KIF21A: variants seen among roughly 807,000 people sequenced by gnomAD.
The protein encoded by KIF21A is kinesin family member 21A.
In KIF21A, 114 loss-of-function variants were observed where a neutral mutation model predicts 202.9. That is an observed-to-expected ratio of 0.56 (90% CI 0.48 to 0.66). The LOEUF is 0.66. Ranked by LOEUF, KIF21A falls within the 30% of genes least tolerant of loss-of-function variation. KIF21A has a pLI of 0.00. For missense variants in KIF21A, 1,677 were observed against 1,994.9 expected, an observed-to-expected ratio of 0.84 and a Z score of 3.04; for synonymous variants, 667 against 670.8, an observed-to-expected ratio of 0.99 and a Z score of 0.09.
chr12:39,318,390 T>C (rs1944818222), intron 28 of KIF21A, among the ~76,000 whole-genome samples, 189 bp from the exon 29 acceptor site: 1 of 152,206 alleles, frequency 6.6e-6, no homozygotes, highest in Non-Finnish European at 1.5e-5. Flanking sequence ...TTTGTTACAT[T>C]GGCCACAAGA....
chr12:39,381,000 T>C (rs1592444542), intron 1 of KIF21A, among the ~76,000 whole-genome samples: 1 of 152,118 alleles, frequency 6.6e-6, no homozygotes, highest in African/African-American at 2.4e-5. Context: ...CATAATAGTA[T>C]ATGTTTTATT....
At chr12:39,399,060 C>CA (rs887027553) in intron 1 of KIF21A, among the ~76,000 whole-genome samples, 13 of 151,872 alleles carry the variant, frequency 8.6e-5, no homozygotes, top group African/African-American at 2.9e-4. Context: ...CCCATCTCTA[C>CA]AAAAAAATAC....
intron 1 of KIF21A, among the ~76,000 whole-genome samples, chr12:39,384,757 C>T (rs1486345482): frequency 6.6e-6 from 1 of 152,112 alleles, no homozygotes; most frequent in African/African-American, 2.4e-5. Context: ...AAAGTCTTAC[C>T]AGGCTAAAAT....
chr12:39,312,114 A>G (rs1592076299), intron 31 of KIF21A: 1 of 153,754 alleles, frequency 6.5e-6, no homozygotes, highest in African/African-American at 2.4e-5. Flanking sequence ...AGAAAATTTT[A>G]AAAGAATGAG....
In KIF21A at chr12:39,303,018, A is replaced by C. The variant is rs1478111510; in HGVS notation, c.4678T>G (p.Ser1560Ala). ...CATTTCTTGATTCCATTATCTCTAG[A>C]CCCACTAAATAGGTTATCCCCTTGA... ...TIQGDNLFSG[S>A]RDNGIKKWDL... is the part of the protein sequence containing the mutation. The change falls in exon 36 of 38, where the codon TCT (serine) becomes GCT (alanine). Residue 1560 changes from serine to alanine, a missense_variant. Transcript: ENST00000361418. 1 of 1,613,866 alleles carries C rather than the reference A, an allele frequency of 6.2e-7. No individual in the cohort carries two copies. Among genetic ancestry groups the C allele is most frequent in the Non-Finnish European group, 8.5e-7 (1 of 1,179,908 alleles).
chr12:39,392,990 A>G (rs1737004140), intron 1 of KIF21A, among the ~76,000 whole-genome samples: 1 of 148,844 alleles, frequency 6.7e-6, no homozygotes, highest in Non-Finnish European at 1.5e-5. Context: ...ACTATAAATG[A>G]GCCATACTAG....
At chr12:39,391,890 C>A (rs1482361685) in intron 1 of KIF21A, among the ~76,000 whole-genome samples, 17 of 152,054 alleles carry the variant, frequency 1.1e-4, no homozygotes, top group Admixed American at 1.1e-3. Flanking sequence ...AGGCACCTGC[C>A]ATTACACCCG....
At chr12:39,381,543 T>C (rs895099785) in intron 1 of KIF21A, among the ~76,000 whole-genome samples, 5 of 152,114 alleles carry the variant, frequency 3.3e-5, no homozygotes, top group Admixed American at 6.6e-5. Context: ...ATGTTATTGA[T>C]ACCAATTTTT....
intron 1 of KIF21A, among the ~76,000 whole-genome samples, chr12:39,411,496 A>G (rs1953074358): frequency 6.6e-6 from 1 of 152,194 alleles, no homozygotes; most frequent in Non-Finnish European, 1.5e-5. Flanking sequence ...AATACCATTC[A>G]AATTGATTTA....
Position 39,360,286 on chromosome 12 carries a change from T to G in KIF21A, c.1020-1913A>C, listed in dbSNP as rs538657001. Among the ~76,000 whole-genome samples the G allele has an allele frequency of 4.6e-5, 7 of 152,184 alleles. No homozygotes were observed. The East Asian group carries it at 1.4e-3, about 29-fold the overall frequency. On this transcript the variant is annotated intron_variant, in intron 7 of 37. Coordinates refer to ENST00000361418, the MANE Select transcript of KIF21A (RefSeq NM_001173464.2). ...TTTAAAGAGAACTATATCACTTAAA[T>G]ATTTTATTATATTGTATATTATATT...
At chr12:39,421,861 AT>A (rs1954316729) in intron 1 of KIF21A, among the ~76,000 whole-genome samples, 1 of 146,940 alleles carries the variant, frequency 6.8e-6, no homozygotes, top group African/African-American at 2.5e-5. Flanking sequence ...ATTTATATAT[AT>A]AAATAATAAA....
intron 1 of KIF21A, among the ~76,000 whole-genome samples, chr12:39,419,145 T>C (rs1954029064): frequency 6.6e-6 from 1 of 152,216 alleles, no homozygotes; most frequent in Admixed American, 6.5e-5. Flanking sequence ...TATGGTTTAG[T>C]ACTGGCTCTC....
chr12:39,306,606 C>T (rs891699457), intron 34 of KIF21A, among the ~76,000 whole-genome samples: 7 of 152,100 alleles, frequency 4.6e-5, no homozygotes, highest in African/African-American at 1.7e-4. Flanking sequence ...ATTTGATTTA[C>T]CACTGGCAAA....
Position 39,319,873 on chromosome 12 carries a change from CAG to C in KIF21A, c.3779+31_3779+32del, listed in dbSNP as rs772629654. ...ATCTAAGTGCAGCAGGCATTTAATA[CAG>C]TCTAGCAGGTAAAAAACATTAGTCA... On this transcript the variant is annotated intron_variant, in intron 28 of 37. Coordinates refer to ENST00000361418, the MANE Select transcript of KIF21A (RefSeq NM_001173464.2). 18 of 1,211,124 alleles carry C rather than the reference CAG, an allele frequency of 1.5e-5. No individual in the cohort carries two copies. In the East Asian group the frequency reaches 4.3e-4, roughly 29 times the overall value. The allele number at this position is 1,211,124 out of a possible 1,614,324, so 75.0% of individuals were successfully genotyped here.
At position 39,294,415 on chromosome 12, in the gene KIF21A, C is replaced by G. The variant is rs750472095; in HGVS notation, c.*9G>C. The G allele has an allele frequency of 6.3e-7, 1 of 1,590,710 alleles. No individual in the cohort carries two copies. The highest frequency in any genetic ancestry group is 8.6e-7 in the Non-Finnish European group (1 of 1,158,776). On this transcript the variant is annotated 3_prime_UTR_variant, in exon 38 of 38. Coordinates refer to ENST00000361418, the MANE Select transcript of KIF21A (RefSeq NM_001173464.2). The stretch of plus-strand genomic sequence containing the variant: ...CAGCATTCAGTTTACAACCTATCTT[C>G]ATTCATGTTTAATTACTGGCAATAT...
chr12:39,391,833 G>A (rs113038904), intron 1 of KIF21A, among the ~76,000 whole-genome samples: 2 of 151,930 alleles, frequency 1.3e-5, no homozygotes, highest in Non-Finnish European at 2.9e-5. Flanking sequence ...TCTGCCTCCC[G>A]GGTTCAAGCA....
chr12:39,441,336 A>C (rs987314278), intron 1 of KIF21A, among the ~76,000 whole-genome samples: 1 of 152,102 alleles, frequency 6.6e-6, no homozygotes, highest in African/African-American at 2.4e-5. Flanking sequence ...TCACATATAA[A>C]AATCTCAAAC....
At position 39,442,911 on chromosome 12, in the gene KIF21A, G is replaced by C; in HGVS notation, c.44+16C>G. ...AACCCGCCGCCCGCCGCCCGCCGCCGGCAGACTGTCCTCACCTGACAGCCA... is the reference window on the plus strand; with the variant it reads ...AACCCGCCGCCCGCCGCCCGCCGCCCGCAGACTGTCCTCACCTGACAGCCA... On this transcript the variant is annotated intron_variant, in intron 1 of 37. Coordinates refer to ENST00000361418, the MANE Select transcript of KIF21A (RefSeq NM_001173464.2). The surrounding 1 kb of genome is among the most constrained non-coding windows in gnomAD (Gnocchi z 5.0). 1 of 1,523,774 alleles carries C rather than the reference G, an allele frequency of 6.6e-7. No homozygotes were observed. 94.4% of individuals were successfully genotyped at this position (1,523,774 alleles called of 1,614,324 possible).
At chr12:39,360,731 G>A (rs953470846) in intron 7 of KIF21A, among the ~76,000 whole-genome samples, 1 of 151,966 alleles carries the variant, frequency 6.6e-6, no homozygotes, top group Non-Finnish European at 1.5e-5. Context: ...ATACTTTCCT[G>A]TATTTTCCAG....
Sources: allele counts gnomAD v4.1 joint callset (sites outside exome capture counted in the v4.1 genomes callset), GRCh38; gene constraint gnomAD v4.1.1; non-coding constraint Gnocchi (gnomAD v3.1); transcripts MANE v1.5; gene names NCBI Gene and HGNC (gene_info 2026-07-23, HGNC 2026-07-21).